Variants in F13A1 observed in about 807,000 individuals in gnomAD.
F13A1 encodes coagulation factor XIII A chain.
Under a neutral mutation model 80.1 loss-of-function variants are expected in F13A1, and 47 were observed. The ratio of observed to expected loss-of-function variants is 0.59; its 90% CI spans 0.46 to 0.75. The LOEUF (loss-of-function observed/expected upper bound fraction) is 0.75. Among genes scored for constraint, F13A1 ranks in the 30% least tolerant of loss-of-function variants. F13A1 has a pLI of 0.00. For synonymous variants in F13A1, 349 were observed against 344.9 expected (o/e 1.01, Z -0.13); for missense variants, 817 against 930.4 (o/e 0.88, Z 1.59).
intron 3 of F13A1, among the ~76,000 whole-genome samples, chr6:6,302,851 A>G (rs957910110): frequency 2.0e-5 from 3 of 152,208 alleles, no homozygotes; most frequent in African/African-American, 7.2e-5. Flanking sequence ...ATAACTGTAC[A>G]TGGTTCTTGC....
At chr6:6,151,088 CA>C (rs1303569746) in intron 14 of F13A1, among the ~76,000 whole-genome samples, 2 of 152,100 alleles carry the variant, frequency 1.3e-5, no homozygotes, top group African/African-American at 4.8e-5. Context: ...GCTACCTGAC[CA>C]TGGAATGGGT....
chr6:6,280,935 T>G (rs1758051677), intron 3 of F13A1, among the ~76,000 whole-genome samples: 1 of 152,102 alleles, frequency 6.6e-6, no homozygotes. Flanking sequence ...AATTCCAGAG[T>G]GCTTTAAGCA....
At chr6:6,247,358 A>G (rs1291633314) in intron 6 of F13A1, among the ~76,000 whole-genome samples, 2 of 152,194 alleles carry the variant, frequency 1.3e-5, no homozygotes, top group Non-Finnish European at 2.9e-5. Context: ...AATTGGTAAT[A>G]TAAGTATTTC....
chr6:6,218,163 C>A (rs994745544), intron 8 of F13A1, among the ~76,000 whole-genome samples: 7 of 152,162 alleles, frequency 4.6e-5, no homozygotes, highest in Non-Finnish European at 1.0e-4. Flanking sequence ...AGGAGCGAAG[C>A]CTTTCATTGA....
chr6:6,177,302 C>T (rs879865371), intron 11 of F13A1, among the ~76,000 whole-genome samples: 10 of 152,194 alleles, frequency 6.6e-5, no homozygotes, highest in South Asian at 2.1e-4. Flanking sequence ...CCTGTCCTCC[C>T]CCTCTTACCT....
chr6:6,303,425 G>A (rs1401219170), intron 3 of F13A1, among the ~76,000 whole-genome samples: 1 of 152,106 alleles, frequency 6.6e-6, no homozygotes, highest in Non-Finnish European at 1.5e-5. Context: ...ATATGTTTAT[G>A]GGGTTTTGGG....
At position 6,148,397 on chromosome 6, in the gene F13A1, T is replaced by G. The variant is rs531486500; in HGVS notation, c.2046-2625A>C. 7.9e-5 allele frequency among the ~76,000 whole-genome samples: 12 copies of G among 152,312 alleles called. No homozygotes were observed. The South Asian group carries it at 2.5e-3, about 32-fold the overall frequency. On this transcript the variant is annotated intron_variant, in intron 14 of 14. Coordinates refer to ENST00000264870, the MANE Select transcript of F13A1 (RefSeq NM_000129.4). ...TCCTCACCTTCCAGGCCCTCTGCTT[T>G]GGGTTCAATAACCCCTGCCTTCTAG...
chr6:6,186,568 T>C (rs1309079649), intron 10 of F13A1, among the ~76,000 whole-genome samples: 6 of 152,232 alleles, frequency 3.9e-5, no homozygotes, highest in African/African-American at 7.2e-5. Context: ...CTCTGTTCTG[T>C]TCCATTGATC....
At chr6:6,199,523 A>G (rs1040286681) in intron 8 of F13A1, among the ~76,000 whole-genome samples, 1 of 151,750 alleles carries the variant, frequency 6.6e-6, no homozygotes, top group East Asian at 1.9e-4. Flanking sequence ...GTACTATTAT[A>G]ATTACCCCCA....
At chr6:6,306,913 A>G (rs1758520912) in intron 2 of F13A1, among the ~76,000 whole-genome samples, 1 of 152,210 alleles carries the variant, frequency 6.6e-6, no homozygotes, top group Non-Finnish European at 1.5e-5. Context: ...GTCAAAACCA[A>G]GAAGTTGGGC....
At chr6:6,252,250 A>C (rs1453529656) in intron 4 of F13A1, among the ~76,000 whole-genome samples, 2 of 152,240 alleles carry the variant, frequency 1.3e-5, no homozygotes, top group Non-Finnish European at 2.9e-5. Context: ...TTTAATCTAC[A>C]GACCTTAATC....
chr6:6,157,555 G>A (rs2326707), intron 13 of F13A1, among the ~76,000 whole-genome samples: 73,498 of 151,952 alleles, frequency 0.48, 17,997 homozygotes, highest in African/African-American at 0.58. Flanking sequence ...AGTTGACCCT[G>A]AACTAAATTA....
intron 6 of F13A1, among the ~76,000 whole-genome samples, chr6:6,230,873 A>G (rs757353006): frequency 6.6e-6 from 1 of 152,210 alleles, no homozygotes; most frequent in Non-Finnish European, 1.5e-5. Flanking sequence ...AGGAAGCCAC[A>G]TCCATAGGAA....
chr6:6,174,960 G>T (rs1229168200), intron 11 of F13A1, 93 bp from the exon 12 acceptor site: 10 of 1,477,110 alleles, frequency 6.8e-6, no homozygotes, highest in Non-Finnish European at 9.4e-6. Context: ...CACTTGTTGG[G>T]GTGTTTCTAT....
rs1760584656 is a variant in F13A1 at position 6,162,048 on chromosome 6, A to G, written c.1908+5410T>C. Among the ~76,000 whole-genome samples, 1 of 152,202 alleles carries G rather than the reference A, an allele frequency of 6.6e-6. No individual in the cohort carries two copies. Among genetic ancestry groups the G allele is most frequent in the Non-Finnish European group, 1.5e-5 (1 of 68,022 alleles). The stretch of plus-strand genomic sequence containing the variant: ...TCCTGGAGAAGACAATGCTTTGGGC[A>G]AAGGCTTTGAAGAGAAGGGAGGAAG... On this transcript the variant is annotated intron_variant, in intron 13 of 14. Transcript: ENST00000264870. The surrounding 1 kb of genome is among the most constrained non-coding windows in gnomAD (Gnocchi z 4.2).
intron 3 of F13A1, among the ~76,000 whole-genome samples, chr6:6,297,272 A>C (rs556453789): frequency 1.3e-5 from 2 of 152,198 alleles, no homozygotes; most frequent in East Asian, 3.9e-4. Flanking sequence ...GAAATGACTT[A>C]GGGAGGATTC....
intron 8 of F13A1, among the ~76,000 whole-genome samples, chr6:6,218,904 G>T (rs921974812): frequency 3.3e-5 from 5 of 152,146 alleles, no homozygotes; most frequent in Non-Finnish European, 4.4e-5. Context: ...CCTCCCTGCT[G>T]GCTGATTTCT....
intron 6 of F13A1, among the ~76,000 whole-genome samples, chr6:6,233,651 GA>G (rs1180087414): frequency 6.6e-6 from 1 of 151,856 alleles, no homozygotes; most frequent in Non-Finnish European, 1.5e-5. Context: ...ACCAAAAAAG[GA>G]AACTACAGAC....
At chr6:6,191,055 G>A (rs1010999971) in intron 10 of F13A1, among the ~76,000 whole-genome samples, 1 of 152,242 alleles carries the variant, frequency 6.6e-6, no homozygotes, top group Non-Finnish European at 1.5e-5. Flanking sequence ...TGCTTCCCGA[G>A]TGAGGCAATG....
Sources: allele counts gnomAD v4.1 joint callset (sites outside exome capture counted in the v4.1 genomes callset), GRCh38; gene constraint gnomAD v4.1.1; non-coding constraint Gnocchi (gnomAD v3.1); transcripts MANE v1.5; gene names NCBI Gene and HGNC (gene_info 2026-07-23, HGNC 2026-07-21).